Variants in WDR25 observed in about 807,000 individuals in gnomAD.
WDR25 encodes WD repeat-containing protein 25.
Under a neutral mutation model 47.7 loss-of-function variants are expected in WDR25, and 35 were observed. The observed-to-expected ratio is 0.73, with a 90% CI of 0.56 to 0.97. The LOEUF (loss-of-function observed/expected upper bound fraction) is 0.97, where lower values mean the gene tolerates loss of function less well. Ranked by LOEUF, WDR25 falls within the 50% of genes least tolerant of loss-of-function variation. WDR25 has a pLI of 0.00. For synonymous variants in WDR25, 248 were observed against 278.9 expected, an observed-to-expected ratio of 0.89 and a Z score of 1.10; for missense variants, 634 against 704.7, an observed-to-expected ratio of 0.90 and a Z score of 1.14.
intron 2 of WDR25, among the ~76,000 whole-genome samples, chr14:100,421,126 AAC>A (rs1566902085): frequency 6.6e-6 from 1 of 152,210 alleles, no homozygotes; most frequent in African/African-American, 2.4e-5. Context: ...CTGGAATTTT[AAC>A]AGTGTCCAGA....
intron 2 of WDR25, among the ~76,000 whole-genome samples, chr14:100,398,744 G>T (rs1053928184): frequency 2.0e-5 from 3 of 147,760 alleles, no homozygotes; most frequent in Non-Finnish European, 4.5e-5. Context: ...GAGAGCTCTT[G>T]CTATTTAATA....
At chr14:100,382,456 G>C (rs1162259005) in intron 2 of WDR25, among the ~76,000 whole-genome samples, 1 of 152,214 alleles carries the variant, frequency 6.6e-6, no homozygotes, top group Non-Finnish European at 1.5e-5. Context: ...TGAGGGACTT[G>C]AGGCTGGGGA....
At chr14:100,436,599 T>C (rs1898506092) in intron 2 of WDR25, among the ~76,000 whole-genome samples, 2 of 152,208 alleles carry the variant, frequency 1.3e-5, no homozygotes, top group Admixed American at 1.3e-4. Context: ...GGTTTCCCTT[T>C]AGGCCGGCCA....
rs1359491090 is a variant in WDR25 at position 100,523,112 on chromosome 14, C to T, written c.1102-2758C>T. On this transcript the variant is annotated intron_variant, in intron 4 of 6. Transcript: ENST00000402312. The surrounding 1 kb of genome is among the most constrained non-coding windows in gnomAD (Gnocchi z 4.7). ...CAGGATGTTGCTGGGAGCCGGAGGA[C>T]CCTGGATTGCTACTTTTAAAGTAGT... Among the ~76,000 whole-genome samples the T allele has an allele frequency of 6.6e-6, 1 of 152,204 alleles. No homozygotes were observed. Among genetic ancestry groups the T allele is most frequent in the South Asian group, 2.1e-4 (1 of 4,834 alleles).
intron 2 of WDR25, among the ~76,000 whole-genome samples, chr14:100,397,161 T>A (rs1410106116): frequency 6.6e-6 from 1 of 152,238 alleles, no homozygotes; most frequent in African/African-American, 2.4e-5. Context: ...ACATACTTTT[T>A]AATTATTTCT....
intron 2 of WDR25, among the ~76,000 whole-genome samples, chr14:100,459,616 C>T (rs951647185): frequency 6.6e-6 from 1 of 151,904 alleles, no homozygotes; most frequent in Non-Finnish European, 1.5e-5. Context: ...AATTCTCCCT[C>T]TATGCATATC....
chr14:100,425,550 T>C lies in WDR25; in HGVS notation c.823-42471T>C, dbSNP rs535452134. On this transcript the variant is annotated intron_variant, in intron 2 of 6. Coordinates refer to ENST00000402312, the MANE Select transcript of WDR25 (RefSeq NM_001161476.3). This position sits in a 1 kb window ranked among gnomAD's most constrained non-coding sequence, Gnocchi z 4.8. ...AGAACCCGACTTTTGCACGTTACAGTAGAGGTCCCTGGCAGCCCAGCTCTC... is the reference window on the plus strand; with the variant it reads ...AGAACCCGACTTTTGCACGTTACAGCAGAGGTCCCTGGCAGCCCAGCTCTC... Among the ~76,000 whole-genome samples the C allele has an allele frequency of 6.6e-6, 1 of 152,260 alleles. No homozygotes were observed. Among genetic ancestry groups the C allele is most frequent in the South Asian group, 2.1e-4 (1 of 4,826 alleles).
intron 3 of WDR25, among the ~76,000 whole-genome samples, chr14:100,477,173 A>G (rs1356857843): frequency 6.6e-6 from 1 of 152,240 alleles, no homozygotes; most frequent in East Asian, 1.9e-4. Context: ...CCACTATTCC[A>G]GAGTTCCCAG....
chr14:100,464,020 G>A (rs1425301861), intron 2 of WDR25, among the ~76,000 whole-genome samples: 3 of 152,078 alleles, frequency 2.0e-5, no homozygotes, highest in African/African-American at 7.2e-5. Context: ...AGCTGGAGTG[G>A]TCCTACTGCA....
chr14:100,381,970 A>T, intron 2 of WDR25: 1 of 665,108 alleles, frequency 1.5e-6, no homozygotes, highest in Non-Finnish European at 2.7e-6. Context: ...TTACCAGAGG[A>T]TACTGTTTCT....
chr14:100,498,901 GC>G lies in WDR25; in HGVS notation c.1101+14779del, dbSNP rs1032194639. ...TCCCTCCCCTTCTGTCTCTTACTTG[GC>G]CTGAGTGGGGCTGTGAGCCGATGAG... is the stretch of plus-strand genomic sequence containing the variant. On this transcript the variant is annotated intron_variant, in intron 4 of 6. Coordinates refer to ENST00000402312, the MANE Select transcript of WDR25 (RefSeq NM_001161476.3). This position sits in a 1 kb window ranked among gnomAD's most constrained non-coding sequence, Gnocchi z 4.2. 6.6e-6 allele frequency among the ~76,000 whole-genome samples: 1 copy of G among 152,198 alleles called. No homozygotes were observed. Among genetic ancestry groups the G allele is most frequent in the Admixed American group, 6.5e-5 (1 of 15,276 alleles).
chr14:100,414,712 A>G (rs1236431752), intron 2 of WDR25, among the ~76,000 whole-genome samples: 1 of 152,036 alleles, frequency 6.6e-6, no homozygotes, highest in African/African-American at 2.4e-5. Context: ...TCATATGGTA[A>G]TTGTGTATTC....
intron 4 of WDR25, among the ~76,000 whole-genome samples, chr14:100,520,079 CATATATATATATA>C (rs1566946914): frequency 3.9e-5 from 4 of 102,528 alleles, no homozygotes; most frequent in African/African-American, 6.7e-5. Flanking sequence ...TGTGTGTGTG[CATATATATATATA>C]GTGTATATAT....
chr14:100,516,963 C>G lies in WDR25; in HGVS notation c.1102-8907C>G, dbSNP rs184140516. ...TTTTTTTAAAGGAGATGGGATCTCA[C>G]TCTGTCACCCAGGCTGAAGTGCAGT... On this transcript the variant is annotated intron_variant, in intron 4 of 6. Coordinates refer to ENST00000402312, the MANE Select transcript of WDR25 (RefSeq NM_001161476.3). Among the ~76,000 whole-genome samples, 226 of 150,926 alleles carry G rather than the reference C, an allele frequency of 1.5e-3. 1 individual carries two copies. The highest frequency in any genetic ancestry group is 5.2e-3 in the African/African-American group (215 of 41,124).
chr14:100,442,836 G>T (rs1898710876), intron 2 of WDR25, among the ~76,000 whole-genome samples: 1 of 152,220 alleles, frequency 6.6e-6, no homozygotes, highest in Non-Finnish European at 1.5e-5. Context: ...AGCATAAATG[G>T]AGGCCATGTC....
At chr14:100,473,038 C>G (rs867048171) in intron 3 of WDR25, among the ~76,000 whole-genome samples, 3 of 152,354 alleles carry the variant, frequency 2.0e-5, no homozygotes, top group Middle Eastern at 3.4e-3. Context: ...GACCATTTCT[C>G]CTTGCTTTCC....
intron 2 of WDR25, among the ~76,000 whole-genome samples, chr14:100,390,391 C>CTGTGTGTGTGTGTGTGTGTGTGTG (rs55802109): frequency 1.2e-4 from 18 of 146,712 alleles, no homozygotes; most frequent in South Asian, 1.1e-3. Flanking sequence ...TGACCAAAAG[C>CTGTGTGTGTGTGTGTGTGTGTGTG]TGTGTGTGTG....
rs745412300 is a variant in WDR25, at chr14:100,392,144, C to G, written c.822+10398C>G. Among the ~76,000 whole-genome samples, 10 of 152,150 alleles carry G rather than the reference C, an allele frequency of 6.6e-5. No individual in the cohort carries two copies. Among genetic ancestry groups the G allele is most frequent in the Non-Finnish European group, 1.3e-4 (9 of 68,036 alleles). On this transcript the variant is annotated intron_variant, in intron 2 of 6. Transcript: ENST00000402312. This position sits in a 1 kb window ranked among gnomAD's most constrained non-coding sequence, Gnocchi z 4.2. ...ATTAATAAATATTTTAAAATGTCCTCAGTTTTCACTTCTAATACGCGAAGT... is the reference window on the plus strand; with the variant it reads ...ATTAATAAATATTTTAAAATGTCCTGAGTTTTCACTTCTAATACGCGAAGT...
chr14:100,527,225 T>C (rs1026851949), intron 5 of WDR25, among the ~76,000 whole-genome samples: 8 of 149,250 alleles, frequency 5.4e-5, no homozygotes, highest in African/African-American at 2.0e-4. Flanking sequence ...CCACCACCAT[T>C]ACCACCATCA....
Sources: allele counts gnomAD v4.1 joint callset (sites outside exome capture counted in the v4.1 genomes callset), GRCh38; gene constraint gnomAD v4.1.1; non-coding constraint Gnocchi (gnomAD v3.1); transcripts MANE v1.5; gene names NCBI Gene and HGNC (gene_info 2026-07-23, HGNC 2026-07-21).